SVIL: variants seen among roughly 807,000 people sequenced by gnomAD.
SVIL encodes the protein archvillin.
SVIL carries 101 observed loss-of-function variants against 240.4 expected under a neutral mutation model. The observed-to-expected ratio is 0.42, with a 90% CI of 0.36 to 0.50. The LOEUF (loss-of-function observed/expected upper bound fraction) is 0.50, where lower values mean the gene tolerates loss of function less well. SVIL is among the 20% of genes least tolerant of loss of function. The pLI is 0.01. For missense variants in SVIL, 2,512 were observed against 2,818.7 expected (o/e 0.89, Z 2.46); for synonymous variants, 999 against 1,100.0 (o/e 0.91, Z 1.82).
intron 1 of SVIL, among the ~76,000 whole-genome samples, chr10:29,577,287 GCAGTGTA>G (rs1955742488): frequency 1.3e-5 from 2 of 152,142 alleles, no homozygotes; most frequent in South Asian, 4.1e-4. Context: ...CCTTACCTGA[GCAGTGTA>G]CAGTGTACCT....
intron 6 of SVIL, among the ~76,000 whole-genome samples, chr10:29,545,997 A>G (rs1375352347): frequency 6.6e-6 from 1 of 152,162 alleles, no homozygotes; most frequent in Non-Finnish European, 1.5e-5. Flanking sequence ...AGGCAACAGC[A>G]GGACTGAAGA....
chr10:29,736,473 C>A (rs1444195000), upstream of SVIL, among the ~76,000 whole-genome samples: 1 of 151,834 alleles, frequency 6.6e-6, no homozygotes, highest in Admixed American at 6.5e-5. Flanking sequence ...CGCCCTATCG[C>A]TCTCCCGGCC....
At chr10:29,601,920 A>G (rs761139357) in intron 1 of SVIL, among the ~76,000 whole-genome samples, 1 of 151,904 alleles carries the variant, frequency 6.6e-6, no homozygotes, top group Non-Finnish European at 1.5e-5. Context: ...CCATTTGATC[A>G]TTATTCAGTT....
chr10:29,474,605 A>G (rs1054216372), intron 29 of SVIL, among the ~76,000 whole-genome samples: 2 of 90,402 alleles, frequency 2.2e-5, no homozygotes, highest in African/African-American at 7.7e-5. Flanking sequence ...AAATAAATAA[A>G]TAAATAAATA....
At chr10:29,722,222 TAAA>T (rs367974093) in intron 1 of SVIL, among the ~76,000 whole-genome samples, 1 of 117,764 alleles carries the variant, frequency 8.5e-6, no homozygotes. Context: ...GACTCTGTCT[TAAA>T]AAAAAAAAAA....
chr10:29,725,178 C>G (rs1026659824), intron 1 of SVIL, among the ~76,000 whole-genome samples: 9 of 151,922 alleles, frequency 5.9e-5, no homozygotes, highest in African/African-American at 2.2e-4. Context: ...ACAGGACAGG[C>G]ACAGCCCTAA....
intron 2 of SVIL, among the ~76,000 whole-genome samples, chr10:29,662,814 G>A (rs888142205): frequency 4.6e-5 from 7 of 152,106 alleles, no homozygotes; most frequent in Non-Finnish European, 1.0e-4. Flanking sequence ...ACACTTGGAC[G>A]AAGGACAAAT....
At chr10:29,701,170 A>C (rs1482497854) in intron 1 of SVIL, among the ~76,000 whole-genome samples, 1 of 152,146 alleles carries the variant, frequency 6.6e-6, no homozygotes, top group Non-Finnish European at 1.5e-5. Context: ...CTGCAAAAAT[A>C]GACCATGCAC....
intron 1 of SVIL, among the ~76,000 whole-genome samples, chr10:29,582,353 C>T (rs1333590722): frequency 3.9e-5 from 6 of 152,168 alleles, no homozygotes; most frequent in East Asian, 1.9e-4. Context: ...CACCACTTGC[C>T]AGAGGCCAGG....
intron 16 of SVIL, among the ~76,000 whole-genome samples, chr10:29,521,371 G>T (rs1037961371): frequency 1.3e-5 from 2 of 152,194 alleles, no homozygotes; most frequent in Admixed American, 1.3e-4. Flanking sequence ...GGTGGGAGGT[G>T]CTGAGGAAGG....
At chr10:29,644,209 C>T (rs1310943118) in intron 3 of SVIL, among the ~76,000 whole-genome samples, 1 of 152,162 alleles carries the variant, frequency 6.6e-6, no homozygotes, top group Non-Finnish European at 1.5e-5. Flanking sequence ...CTCTTCCCTT[C>T]CCTGCTGTTG....
At chr10:29,658,386 G>C (rs964853327) in intron 2 of SVIL, among the ~76,000 whole-genome samples, 2 of 152,216 alleles carry the variant, frequency 1.3e-5, no homozygotes, top group Non-Finnish European at 2.9e-5. Context: ...GACTAAAATT[G>C]TATTATTTGG....
intron 3 of SVIL, among the ~76,000 whole-genome samples, chr10:29,641,525 G>A (rs567198875): frequency 3.9e-5 from 6 of 152,064 alleles, no homozygotes; most frequent in African/African-American, 9.6e-5. Flanking sequence ...CCGAGATCGC[G>A]CCACTGCACT....
At chr10:29,688,110 A>G (rs1244547665) in intron 1 of SVIL, among the ~76,000 whole-genome samples, 1 of 152,230 alleles carries the variant, frequency 6.6e-6, no homozygotes, top group Non-Finnish European at 1.5e-5. Context: ...TCTAATTATA[A>G]TGGTTGAACA....
At chr10:29,563,806 A>G (rs1954724257) in intron 2 of SVIL, among the ~76,000 whole-genome samples, 1 of 152,220 alleles carries the variant, frequency 6.6e-6, no homozygotes, top group African/African-American at 2.4e-5. Flanking sequence ...GTTGGAATAA[A>G]AGAGGAAATG....
At chr10:29,601,047 T>C (rs1289282542) in intron 1 of SVIL, among the ~76,000 whole-genome samples, 2 of 152,342 alleles carry the variant, frequency 1.3e-5, no homozygotes, top group Non-Finnish European at 2.9e-5. Context: ...TTAATATACA[T>C]AACTTATGTG....
At chr10:29,707,061 G>C (rs936530537) in intron 1 of SVIL, among the ~76,000 whole-genome samples, 3 of 152,232 alleles carry the variant, frequency 2.0e-5, no homozygotes, top group African/African-American at 7.2e-5. Context: ...ATAGCTTGAA[G>C]TCAGGTAGGT....
chr10:29,625,732 G>A (rs1335267718), intron 1 of SVIL, among the ~76,000 whole-genome samples: 1 of 152,188 alleles, frequency 6.6e-6, no homozygotes, highest in Non-Finnish European at 1.5e-5. Flanking sequence ...AAAGTGCTGG[G>A]ACTACAGGCA....
intron 2 of SVIL, among the ~76,000 whole-genome samples, chr10:29,566,801 A>G (rs1955005815): frequency 6.6e-6 from 1 of 151,938 alleles, no homozygotes; most frequent in Admixed American, 6.6e-5. Context: ...GTGACCCCAA[A>G]AGCATGGAGC....
Sources: gnomAD v4.1 joint callset for allele counts (sites outside exome capture counted in the v4.1 genomes callset) on GRCh38, gnomAD v4.1.1 for gene constraint, MANE v1.5 for transcripts, NCBI Gene and HGNC (gene_info 2026-07-23, HGNC 2026-07-21) for gene names.